The following TPP2 variants were observed in gnomAD, a reference collection of about 807,000 sequenced individuals.
TPP2 encodes tripeptidyl peptidase 2.
In TPP2, 34 loss-of-function variants were observed where a neutral mutation model predicts 155.9. The ratio of observed to expected loss-of-function variants is 0.22; its 90% CI spans 0.17 to 0.29. TPP2 has a LOEUF of 0.29. Among genes scored for constraint, TPP2 ranks in the 10% least tolerant of loss-of-function variants. The probability of loss-of-function intolerance (pLI) is 1.00; values close to 1 mark genes in which losing one functional copy is unlikely to be tolerated. For missense variants in TPP2, 1,028 were observed against 1,522.3 expected (o/e 0.68, Z 5.40); for synonymous variants, 510 against 529.4 (o/e 0.96, Z 0.50).
chr13:102,623,575 A>G (rs1419123538), intron 6 of TPP2, among the ~76,000 whole-genome samples: 19 of 152,216 alleles, frequency 1.2e-4, no homozygotes, highest in Admixed American at 8.5e-4. Context: ...AAAAAAATCC[A>G]TCAATAGAAT....
intron 25 of TPP2, among the ~76,000 whole-genome samples, chr13:102,663,089 A>G (rs1474702183): frequency 1.3e-5 from 2 of 151,216 alleles, no homozygotes; most frequent in African/African-American, 4.9e-5. Context: ...TATCTTATTG[A>G]ACTCTTAATT....
At chr13:102,651,310 C>A (rs1486171621) in intron 23 of TPP2, 49 bp from the exon 24 acceptor site, 4 of 1,552,256 alleles carry the variant, frequency 2.6e-6, no homozygotes, top group Non-Finnish European at 3.5e-6. Context: ...TGTCTCCATC[C>A]TGTGTAGATT....
intron 8 of TPP2, among the ~76,000 whole-genome samples, 172 bp from the exon 9 acceptor site, chr13:102,629,310 C>G (rs964688476): frequency 2.6e-5 from 4 of 152,186 alleles, no homozygotes; most frequent in African/African-American, 9.6e-5. Context: ...ATAACTGCTT[C>G]CCTACCCTAA....
chr13:102,669,770 A>G (rs2139607456), intron 27 of TPP2, among the ~76,000 whole-genome samples: 1 of 152,288 alleles, frequency 6.6e-6, no homozygotes, highest in East Asian at 1.9e-4. Context: ...TCAAGCAGTG[A>G]TGTCATAACC....
intron 5 of TPP2, among the ~76,000 whole-genome samples, chr13:102,622,646 G>T (rs1431551964): frequency 6.6e-6 from 1 of 152,144 alleles, no homozygotes; most frequent in Non-Finnish European, 1.5e-5. Flanking sequence ...TTTTGTGAAG[G>T]AGGGTATTTT....
chr13:102,654,375 TTCA>T (rs1883707580), intron 24 of TPP2, among the ~76,000 whole-genome samples: 1 of 152,216 alleles, frequency 6.6e-6, no homozygotes, highest in South Asian at 2.1e-4. Context: ...ACTAAGATAA[TTCA>T]TCATAAACTT....
At chr13:102,642,484 T>C (rs1290153988) in intron 16 of TPP2, among the ~76,000 whole-genome samples, 1 of 152,100 alleles carries the variant, frequency 6.6e-6, no homozygotes, top group East Asian at 1.9e-4. Flanking sequence ...GTTAAGAGAA[T>C]TTAACAGTCT....
At chr13:102,660,533 G>C (rs1441548206) in intron 25 of TPP2, among the ~76,000 whole-genome samples, 1 of 152,114 alleles carries the variant, frequency 6.6e-6, no homozygotes, top group Non-Finnish European at 1.5e-5. Flanking sequence ...TTTGTCTGTG[G>C]ACCAGAAGAC....
chr13:102,661,250 C>CTTTTTT (rs35157211), intron 25 of TPP2, among the ~76,000 whole-genome samples: 3 of 124,132 alleles, frequency 2.4e-5, no homozygotes, highest in African/African-American at 6.3e-5. Context: ...GAACGCTAAC[C>CTTTTTT]TTTTTTTTTT....
At position 102,638,281 on chromosome 13, in the gene TPP2, T is replaced by C. The variant is rs1882522141; in HGVS notation, c.1879T>C (p.Phe627Leu). 6.2e-7 allele frequency: 1 copy of C among 1,613,112 alleles called. No individual in the cohort carries two copies. The highest frequency in any genetic ancestry group is 8.5e-7 in the Non-Finnish European group (1 of 1,179,968). ...DIASPNAGPL[F>L]RVPITAVIAA... Reference sequence around the variant, plus strand: ...AGCATCCCCTAACGCAGGTCCGCTCTTCAGAGTTCCGATCACTGCAGTTAT... The same window carrying C: ...AGCATCCCCTAACGCAGGTCCGCTCCTCAGAGTTCCGATCACTGCAGTTAT... The change falls in exon 15 of 30, where the codon TTC (phenylalanine) becomes CTC (leucine). Residue 627 changes from phenylalanine (F) to leucine (L), a missense_variant. Transcript: ENST00000376052.
rs1436075943 is a variant in TPP2 at position 102,678,775 on chromosome 13, CAG to C, written c.*461_*462del. 1 of 146,642 alleles carries C rather than the reference CAG, an allele frequency of 6.8e-6. No homozygotes were observed. The highest frequency in any genetic ancestry group is 1.5e-5 in the Non-Finnish European group (1 of 67,038). 9.1% of individuals were successfully genotyped at this position (146,642 alleles called of 1,614,324 possible). On this transcript the variant is annotated 3_prime_UTR_variant, in exon 30 of 30. Transcript: ENST00000376052. ...AATTATTTATTGGACTAAAAACTAA[CAG>C]AACTTCATTTCCAGAATTTTTTTTT...
chr13:102,652,471 T>G (rs1883585076), intron 24 of TPP2, among the ~76,000 whole-genome samples: 2 of 118,484 alleles, frequency 1.7e-5, no homozygotes, highest in South Asian at 2.7e-4. Context: ...ACCACATATT[T>G]AATAAGCTTT....
At chr13:102,672,239 G>T (rs1221143519) in intron 27 of TPP2, among the ~76,000 whole-genome samples, 41 of 152,190 alleles carry the variant, frequency 2.7e-4, no homozygotes, top group Admixed American at 2.7e-3. Flanking sequence ...AGCCAGTGAT[G>T]CTCGCATTTA....
At position 102,644,982 on chromosome 13, in the gene TPP2, C is replaced by T; in HGVS notation, c.2366C>T (p.Thr789Ile). ...LKYEDLAPCI[T>I]LKNWVQTLRP... is the part of the protein sequence containing the mutation. ...TACGAAGATCTGGCTCCCTGCATAA[C>T]TTTGAAGAACTGGGTCCAAACACTG... The change falls in exon 19 of 30, where the codon ACT becomes ATT. Residue 789 changes from threonine to isoleucine, a missense_variant. Thr to Ile is a moderately conservative substitution (Grantham distance 89, BLOSUM62 -1). This residue lies in a region of TPP2 where 325 missense variants were observed against 463.7 expected (regional missense o/e 0.70). Transcript: ENST00000376052. The T allele has an allele frequency of 6.2e-7, 1 of 1,613,950 alleles. No homozygotes were observed. The highest frequency in any genetic ancestry group is 8.5e-7 in the Non-Finnish European group (1 of 1,179,946).
chr13:102,629,215 C>T (rs1291169184), intron 8 of TPP2, among the ~76,000 whole-genome samples: 2 of 152,186 alleles, frequency 1.3e-5, no homozygotes, highest in Non-Finnish European at 2.9e-5. Flanking sequence ...GCCCGAGTCA[C>T]TACTAATATT....
chr13:102,657,237 A>T, intron 25 of TPP2, 30 bp downstream of exon 25: 1 of 1,529,360 alleles, frequency 6.5e-7, no homozygotes, highest in Non-Finnish European at 8.7e-7. Context: ...TTAATTCTTT[A>T]AATGTTTAGT....
chr13:102,604,276 T>C (rs1827055629), intron 1 of TPP2, among the ~76,000 whole-genome samples: 3 of 152,280 alleles, frequency 2.0e-5, no homozygotes, highest in Middle Eastern at 6.8e-3. Flanking sequence ...TCTCAAATGT[T>C]ACCATCTCAG....
chr13:102,635,718 T>C lies in TPP2; in HGVS notation c.1509+16T>C. 6.3e-7 allele frequency: 1 copy of C among 1,576,632 alleles called. No individual in the cohort carries two copies. The highest frequency in any genetic ancestry group is 8.7e-7 in the Non-Finnish European group (1 of 1,149,484). On this transcript the variant is annotated intron_variant, in intron 12 of 29. Transcript: ENST00000376052. ...TATTATTCAGGTATTGTTGCCTATA[T>C]GAAAAATGGGTTGTAAAGCATCATT...
intron 25 of TPP2, among the ~76,000 whole-genome samples, chr13:102,657,693 G>A (rs1883949766): frequency 6.6e-6 from 1 of 151,938 alleles, no homozygotes; most frequent in East Asian, 1.9e-4. Context: ...GTTTTATTTT[G>A]CATATATATG....
Sources: gnomAD v4.1 joint callset for allele counts (sites outside exome capture counted in the v4.1 genomes callset) on GRCh38, gnomAD v4.1.1 for gene constraint, gnomAD v4.1.1 regional missense constraint, MANE v1.5 for transcripts, NCBI Gene and HGNC (gene_info 2026-07-23, HGNC 2026-07-21) for gene names.